Variants in NT5C3A observed in about 807,000 individuals in gnomAD.
NT5C3A encodes the protein 5'-nucleotidase, cytosolic IIIA.
NT5C3A carries 23 observed loss-of-function variants against 40.0 expected under a neutral mutation model. That is an observed-to-expected ratio of 0.58 (90% CI 0.41 to 0.81). The LOEUF is 0.81. Among genes scored for constraint, NT5C3A ranks in the 40% least tolerant of loss-of-function variants. The probability of loss-of-function intolerance (pLI) is 0.00; values close to 1 mark genes in which losing one functional copy is unlikely to be tolerated. For missense variants in NT5C3A, 328 were observed against 403.0 expected (o/e 0.81, Z 1.59); for synonymous variants, 130 against 141.4 (o/e 0.92, Z 0.57).
intron 1 of NT5C3A, among the ~76,000 whole-genome samples, chr7:33,038,536 A>T (rs1443974309): frequency 1.3e-5 from 2 of 151,416 alleles, no homozygotes; most frequent in Non-Finnish European, 2.9e-5. Context: ...ACAATTCATG[A>T]ATACTATGCA....
intron 1 of NT5C3A, among the ~76,000 whole-genome samples, chr7:33,041,494 A>G (rs1786909738): frequency 6.6e-6 from 1 of 152,036 alleles, no homozygotes; most frequent in South Asian, 2.1e-4. Context: ...TACCACTATT[A>G]AAAAAAAGAT....
intron 4 of NT5C3A, 129 bp from the exon 5 acceptor site, chr7:33,021,486 T>A: frequency 1.7e-6 from 2 of 1,151,910 alleles, no homozygotes; most frequent in East Asian, 5.2e-5. Flanking sequence ...AATGCATCAA[T>A]TGAAAAAATA....
intron 8 of NT5C3A, among the ~76,000 whole-genome samples, chr7:33,015,236 A>G (rs1045180077): frequency 5.3e-5 from 8 of 152,138 alleles, no homozygotes; most frequent in African/African-American, 1.7e-4. Flanking sequence ...TCCTTTTTAA[A>G]CATCACCAGT....
At chr7:33,040,924 A>G (rs1161209648) in intron 1 of NT5C3A, 30 of 985,356 alleles carry the variant, frequency 3.0e-5, no homozygotes, top group Non-Finnish European at 3.6e-5. Flanking sequence ...TTCCTGTCTG[A>G]GAAGTACTAA....
intron 1 of NT5C3A, among the ~76,000 whole-genome samples, chr7:33,039,335 T>C (rs1786783572): frequency 6.6e-6 from 1 of 152,144 alleles, no homozygotes; most frequent in Admixed American, 6.5e-5. Context: ...AATTCATGAA[T>C]ATAGCTTTAA....
chr7:33,019,713 G>A lies in NT5C3A; in HGVS notation c.452C>T (p.Ser151Leu), dbSNP rs149525779. 3 of 1,593,050 alleles carry A rather than the reference G, an allele frequency of 1.9e-6. No individual in the cohort carries two copies. The highest frequency in any genetic ancestry group is 2.2e-5 in the East Asian group (1 of 44,678). The change falls in exon 6 of 9, where the codon TCA becomes TTA. Residue 151 changes from serine to leucine, a missense_variant. Coordinates refer to ENST00000610140, the MANE Select transcript of NT5C3A (RefSeq NM_001002010.5). ...AGCTTGCTGAACAAGCAAACCATGTGATTTAGTATACCTGGAGTTTATGAC... is the reference window on the plus strand; with the variant it reads ...AGCTTGCTGAACAAGCAAACCATGTAATTTAGTATACCTGGAGTTTATGAC... Reference protein sequence around the residue: ...YPYMVEWYTKSHGLLVQQALP... With the variant: ...YPYMVEWYTKLHGLLVQQALP...
intron 7 of NT5C3A, 149 bp from the exon 8 acceptor site, chr7:33,016,019 T>C (rs1002544612): frequency 1.5e-6 from 1 of 654,762 alleles, no homozygotes; most frequent in Non-Finnish European, 2.7e-6. Context: ...CTTAAGTCCA[T>C]CACATTCACC....
At chr7:33,018,584 C>T (rs545409055) in intron 6 of NT5C3A, among the ~76,000 whole-genome samples, 1 of 152,336 alleles carries the variant, frequency 6.6e-6, no homozygotes, top group East Asian at 1.9e-4. Flanking sequence ...GGCGCAGTGG[C>T]TCACGCCTGT....
chr7:33,017,182 CAAAAAA>C (rs11286607), intron 7 of NT5C3A: 102 of 318,018 alleles, frequency 3.2e-4, no homozygotes, highest in South Asian at 5.1e-4. Flanking sequence ...GACTCCATCT[CAAAAAA>C]AAAAAAAAAA....
At chr7:33,039,558 TTTTG>T (rs1263501311) in intron 1 of NT5C3A, among the ~76,000 whole-genome samples, 2 of 139,296 alleles carry the variant, frequency 1.4e-5, no homozygotes, top group Non-Finnish European at 1.5e-5. Flanking sequence ...AGCTTGGGTT[TTTTG>T]TTTTTTTTTT....
chr7:33,026,348 C>CAAAACA (rs1381230354), intron 2 of NT5C3A, among the ~76,000 whole-genome samples: 1 of 8,808 alleles, frequency 1.1e-4, no homozygotes, highest in South Asian at 3.2e-3. Flanking sequence ...GACTCCATCT[C>CAAAACA]AAAAGAAAAA....
chr7:33,025,207 G>A (rs1453034393), intron 2 of NT5C3A, among the ~76,000 whole-genome samples: 1 of 152,086 alleles, frequency 6.6e-6, no homozygotes, highest in Non-Finnish European at 1.5e-5. Context: ...TAATTGGTAT[G>A]GGAATTTGCA....
chr7:33,034,596 G>A (rs1225817317), intron 1 of NT5C3A, among the ~76,000 whole-genome samples: 1 of 152,152 alleles, frequency 6.6e-6, no homozygotes, highest in Non-Finnish European at 1.5e-5. Context: ...TGGCAATACT[G>A]GACTATATTT....
At chr7:33,058,336 TA>T (rs1422918834) in intron 1 of NT5C3A, among the ~76,000 whole-genome samples, 5 of 138,950 alleles carry the variant, frequency 3.6e-5, no homozygotes, top group African/African-American at 1.3e-4. Flanking sequence ...ACACTTTTAT[TA>T]TTTTTTTATT....
At position 33,021,412 on chromosome 7, in the gene NT5C3A, G is replaced by C. The variant is rs532863969; in HGVS notation, c.355-55C>G. ...AGATTACTTGAAAATAAATCTGCTT[G>C]GTTTTATAGAAAGCAAAACAATGTA... On this transcript the variant is annotated intron_variant, in intron 4 of 8. Transcript: ENST00000610140. 3 of 1,578,664 alleles carry C rather than the reference G, an allele frequency of 1.9e-6. No individual in the cohort carries two copies. The Admixed American group carries it at 5.2e-5, about 28-fold the overall frequency.
intron 1 of NT5C3A, among the ~76,000 whole-genome samples, chr7:33,061,112 C>A (rs1254971806): frequency 6.6e-6 from 1 of 152,168 alleles, no homozygotes; most frequent in African/African-American, 2.4e-5. Flanking sequence ...AAGTGGTATA[C>A]AGACCAATCC....
intron 6 of NT5C3A, among the ~76,000 whole-genome samples, chr7:33,019,247 C>A (rs1033376753): frequency 7.1e-6 from 1 of 140,880 alleles, no homozygotes; most frequent in Non-Finnish European, 1.6e-5. Context: ...CAGAGAGAGA[C>A]CCTGTCTTTA....
chr7:33,052,378 G>A (rs1787401933), intron 1 of NT5C3A, among the ~76,000 whole-genome samples: 1 of 75,762 alleles, frequency 1.3e-5, no homozygotes, highest in East Asian at 3.3e-4. Flanking sequence ...AACTACTCAG[G>A]TGGCTGAGGC....
chr7:33,062,029 C>A (rs1787796776), intron 1 of NT5C3A, among the ~76,000 whole-genome samples: 1 of 152,142 alleles, frequency 6.6e-6, no homozygotes, highest in African/African-American at 2.4e-5. Context: ...AATAAACTAT[C>A]CTGAATTTCT....
Sources: gnomAD v4.1 joint callset for allele counts (sites outside exome capture counted in the v4.1 genomes callset) on GRCh38, gnomAD v4.1.1 for gene constraint, MANE v1.5 for transcripts, NCBI Gene and HGNC (gene_info 2026-07-23, HGNC 2026-07-21) for gene names.